DPP6: variants seen among roughly 807,000 people sequenced by gnomAD.
The protein encoded by DPP6 is dipeptidyl peptidase like 6.
DPP6 carries 69 observed loss-of-function variants against 122.6 expected under a neutral mutation model. The ratio of observed to expected loss-of-function variants is 0.56; its 90% confidence interval spans 0.46 to 0.69. The LOEUF (loss-of-function observed/expected upper bound fraction) is 0.69, where lower values mean the gene tolerates loss of function less well. Among genes scored for constraint, DPP6 ranks in the 30% least tolerant of loss-of-function variants. The pLI is 0.00. For synonymous variants in DPP6, 418 were observed against 433.1 expected, an observed-to-expected ratio of 0.97 and a Z score of 0.43; for missense variants, 928 against 1,116.9, an observed-to-expected ratio of 0.83 and a Z score of 2.41.
chr7:154,276,972 A>G (rs575384584), intron 1 of DPP6, among the ~76,000 whole-genome samples: 35 of 152,232 alleles, frequency 2.3e-4, no homozygotes, highest in African/African-American at 8.4e-4. Flanking sequence ...GTGCTTGGGA[A>G]CCCTACACAG....
intron 1 of DPP6, chr7:153,887,840 GCGACCCCATGCCC>G: frequency 7.8e-7 from 1 of 1,276,444 alleles, no homozygotes; most frequent in South Asian, 1.8e-5. Flanking sequence ...TGGAAGGACA[GCGACCCCATGCCC>G]GCGCGCGGCG....
intron 1 of DPP6, among the ~76,000 whole-genome samples, chr7:153,908,974 G>A (rs1398062098): frequency 6.6e-6 from 1 of 152,014 alleles, no homozygotes; most frequent in Non-Finnish European, 1.5e-5. Flanking sequence ...GGCCGGTCTC[G>A]AACTCCTAAC....
chr7:154,816,128 T>G (rs1394136229), intron 16 of DPP6, among the ~76,000 whole-genome samples: 1 of 152,182 alleles, frequency 6.6e-6, no homozygotes, highest in Non-Finnish European at 1.5e-5. Flanking sequence ...GCATCTTGGT[T>G]AACCTTGCTT....
At chr7:153,749,136 A>C in the DPP6 span, among the ~76,000 whole-genome samples, 1 of 152,072 alleles carries the variant, frequency 6.6e-6, no homozygotes, top group African/African-American at 2.4e-5. The surrounding 1 kb of genome is among the most constrained non-coding windows in gnomAD (Gnocchi z 4.1). Context: ...GTGCGTCTGC[A>C]TGCCTTGCAG....
chr7:154,276,227 A>G (rs1397469476), intron 1 of DPP6, among the ~76,000 whole-genome samples: 1 of 152,218 alleles, frequency 6.6e-6, no homozygotes, highest in Non-Finnish European at 1.5e-5. Context: ...ATTTTAGAAA[A>G]AAAGCCACTT....
At chr7:154,781,195 T>G (rs1797003763) in intron 10 of DPP6, among the ~76,000 whole-genome samples, 1 of 152,052 alleles carries the variant, frequency 6.6e-6, no homozygotes, top group East Asian at 1.9e-4. Context: ...GATGGATGGA[T>G]GGATGGACAG....
At chr7:154,611,429 C>T (rs985350774) in intron 5 of DPP6, among the ~76,000 whole-genome samples, 3 of 152,116 alleles carry the variant, frequency 2.0e-5, no homozygotes, top group African/African-American at 7.2e-5. Flanking sequence ...AAAGCCCCCA[C>T]AACAAAAAGT....
chr7:153,902,506 C>T (rs1263800699), intron 1 of DPP6, among the ~76,000 whole-genome samples: 1 of 152,130 alleles, frequency 6.6e-6, no homozygotes, highest in Non-Finnish European at 1.5e-5. Context: ...CCCTCCCTAT[C>T]TAGTCTTCAC....
In DPP6 at chr7:153,923,499, T is replaced by C. The variant is rs192118101; in HGVS notation, c.51+35765T>C. On this transcript the variant is annotated intron_variant, in intron 1 of 25. Coordinates refer to the DPP6 transcript ENST00000404039. ...CATCTTGGCCCGGCGTGGTGGCTCA[T>C]GCCTGTAGTCCCAGCACTTTGGGAG... 1.9e-3 allele frequency among the ~76,000 whole-genome samples: 285 copies of C among 152,194 alleles called. 2 individuals carry two copies. The highest frequency in any genetic ancestry group is 6.1e-3 in the African/African-American group (255 of 41,546).
intron 7 of DPP6, among the ~76,000 whole-genome samples, chr7:154,700,143 G>A (rs112806052): frequency 3.5e-4 from 54 of 152,194 alleles, no homozygotes; most frequent in African/African-American, 1.2e-3. Context: ...ATAAATATGT[G>A]CAACACATCC....
At chr7:154,561,793 A>G (rs548628922) in intron 4 of DPP6, among the ~76,000 whole-genome samples, 1 of 152,132 alleles carries the variant, frequency 6.6e-6, no homozygotes, top group East Asian at 1.9e-4. Flanking sequence ...AAGATAATGG[A>G]AAAAAAATCA....
At chr7:154,086,621 T>A (rs1299343404) in intron 1 of DPP6, among the ~76,000 whole-genome samples, 1 of 52,384 alleles carries the variant, frequency 1.9e-5, no homozygotes, top group Non-Finnish European at 4.5e-5. Flanking sequence ...GAGCTTACTC[T>A]TTTTTTTTTT....
At chr7:154,377,696 T>C (rs948256860) in intron 1 of DPP6, among the ~76,000 whole-genome samples, 3 of 151,666 alleles carry the variant, frequency 2.0e-5, no homozygotes, top group African/African-American at 4.9e-5. Context: ...CCTTCCACCA[T>C]GATTGTAAGT....
chr7:153,756,500 A>G, the DPP6 span, among the ~76,000 whole-genome samples: 2 of 152,262 alleles, frequency 1.3e-5, no homozygotes, highest in South Asian at 4.1e-4. Flanking sequence ...CATCTGATAG[A>G]CACTTGGGCA....
chr7:154,232,228 A>G (rs1407688728), intron 1 of DPP6, among the ~76,000 whole-genome samples: 1 of 152,170 alleles, frequency 6.6e-6, no homozygotes, highest in Non-Finnish European at 1.5e-5. Flanking sequence ...GTAGGGTACT[A>G]TCCAGTCAAG....
chr7:154,144,804 G>T lies in DPP6; in HGVS notation c.243+91741G>T, dbSNP rs927159299. 3.3e-5 allele frequency among the ~76,000 whole-genome samples: 5 copies of T among 151,844 alleles called. No homozygotes were observed. In the South Asian group the frequency reaches 1.0e-3, roughly 32 times the overall value. On this transcript the variant is annotated intron_variant, in intron 1 of 25. Coordinates refer to ENST00000377770, the MANE Select transcript of DPP6 (RefSeq NM_130797.4). ...AGAAGAGGAAGAGACAGCGGAGCTT[G>T]CTCTCTCTGCCCTGTGAAGACATGG...
At chr7:154,199,886 G>A (rs1401893346) in intron 1 of DPP6, among the ~76,000 whole-genome samples, 2 of 152,124 alleles carry the variant, frequency 1.3e-5, no homozygotes, top group African/African-American at 4.8e-5. Flanking sequence ...GGGATTACAG[G>A]CGTGAGCCAC....
intron 1 of DPP6, among the ~76,000 whole-genome samples, chr7:153,932,532 A>G (rs1220794537): frequency 6.6e-6 from 1 of 152,208 alleles, no homozygotes. Flanking sequence ...AGAAGTAGCA[A>G]CAGCCAAAGG....
At chr7:154,733,289 G>A (rs1175750921) in intron 8 of DPP6, among the ~76,000 whole-genome samples, 2 of 152,240 alleles carry the variant, frequency 1.3e-5, no homozygotes, top group Admixed American at 1.3e-4. Flanking sequence ...CATTAGCGAT[G>A]TAGTCAGGCC....
Sources: gnomAD v4.1 joint callset for allele counts (sites outside exome capture counted in the v4.1 genomes callset) on GRCh38, gnomAD v4.1.1 for gene constraint, Gnocchi (gnomAD v3.1) non-coding constraint, MANE v1.5 for transcripts, NCBI Gene and HGNC (gene_info 2026-07-23, HGNC 2026-07-21) for gene names.